The following PCDH11X variants were observed in gnomAD, a reference collection of about 807,000 sequenced individuals.
PCDH11X encodes protocadherin-11 X-linked.
A neutral mutation model predicts 53.3 loss-of-function variants in PCDH11X; 18 were observed. The ratio of observed to expected loss-of-function variants is 0.34; its 90% confidence interval spans 0.23 to 0.50. The LOEUF (loss-of-function observed/expected upper bound fraction) is 0.50, where lower values mean the gene tolerates loss of function less well. Ranked by LOEUF, PCDH11X falls within the 20% of genes least tolerant of loss-of-function variation. PCDH11X has a pLI of 0.98. For missense variants in PCDH11X, 570 were observed against 1,032.4 expected (o/e 0.55, Z 6.14); for synonymous variants, 279 against 393.3 (o/e 0.71, Z 3.44).
At chrX:92,238,394 T>C (rs1371728978) in intron 7 of PCDH11X, among the ~76,000 whole-genome samples, 1 of 111,742 alleles carries the variant, frequency 8.9e-6, no homozygotes, top group Non-Finnish European at 1.9e-5. Flanking sequence ...ATGCATGATG[T>C]TAAATGGAAT....
intron 1 of PCDH11X, among the ~76,000 whole-genome samples, chrX:91,802,441 T>A (rs1933700386): frequency 9.0e-6 from 1 of 111,693 alleles, no homozygotes; most frequent in Admixed American, 9.6e-5. Context: ...ATAAGAAATT[T>A]ATCTTTGCAT....
intron 8 of PCDH11X, among the ~76,000 whole-genome samples, chrX:92,369,476 G>A (rs1001766164): frequency 1.1e-4 from 12 of 111,556 alleles, no homozygotes; most frequent in African/African-American, 3.6e-4. Flanking sequence ...TGCTGAGTGA[G>A]ACCACTTGGC....
At chrX:91,975,087 T>A (rs1392086505) in intron 6 of PCDH11X, among the ~76,000 whole-genome samples, 1 of 110,818 alleles carries the variant, frequency 9.0e-6, no homozygotes, top group African/African-American at 3.3e-5. Flanking sequence ...CTCTTGCTGC[T>A]ATTGAGGATA....
At chrX:92,466,890 C>T (rs1051203200) in intron 9 of PCDH11X, among the ~76,000 whole-genome samples, 24 of 108,957 alleles carry the variant, frequency 2.2e-4, no homozygotes, top group Non-Finnish European at 4.0e-4. Context: ...AAAGCACGTA[C>T]GTTATTACTT....
intron 8 of PCDH11X, among the ~76,000 whole-genome samples, chrX:92,277,108 C>T (rs1013565605): frequency 8.2e-5 from 9 of 109,510 alleles, no homozygotes; most frequent in African/African-American, 2.3e-4. Flanking sequence ...GGGGAGAGGT[C>T]AGATGGGTCT....
intron 8 of PCDH11X, among the ~76,000 whole-genome samples, chrX:92,270,112 C>CTT (rs760007148): frequency 0.011 from 1,044 of 95,598 alleles, 18 homozygotes; most frequent in African/African-American, 0.039. Context: ...GCTTCCTTTT[C>CTT]TTTTTTTTTT....
chrX:92,206,155 G>A (rs2066472218), intron 7 of PCDH11X, among the ~76,000 whole-genome samples: 1 of 111,443 alleles, frequency 9.0e-6, no homozygotes, highest in African/African-American at 3.3e-5. Flanking sequence ...TAGACTGATG[G>A]GTTACATTTT....
intron 10 of PCDH11X, among the ~76,000 whole-genome samples, chrX:92,529,500 T>A (rs2074517457): frequency 1.8e-5 from 2 of 108,734 alleles, no homozygotes; most frequent in South Asian, 8.1e-4. Context: ...ACTATAGGAG[T>A]TATAGCCAGT....
At chrX:92,561,256 C>A (rs1393700809) in intron 10 of PCDH11X, among the ~76,000 whole-genome samples, 5 of 107,855 alleles carry the variant, frequency 4.6e-5, no homozygotes, top group African/African-American at 6.8e-5. Context: ...TGAACTTGTA[C>A]GAGCATCAAC....
At chrX:92,007,537 G>T (rs765141126) in intron 6 of PCDH11X, among the ~76,000 whole-genome samples, 113 of 111,892 alleles carry the variant, frequency 1.0e-3, no homozygotes, top group Non-Finnish European at 1.6e-3. Flanking sequence ...GTCAGGTCCA[G>T]AAATGCCACC....
At chrX:92,172,983 G>T (rs1027337258) in intron 6 of PCDH11X, among the ~76,000 whole-genome samples, 1 of 111,480 alleles carries the variant, frequency 9.0e-6, no homozygotes, top group Non-Finnish European at 1.9e-5. Context: ...TTCATAAAAT[G>T]TCCAAATAAA....
chrX:92,423,651 T>G (rs1157437662), intron 9 of PCDH11X, among the ~76,000 whole-genome samples: 4 of 94,205 alleles, frequency 4.2e-5, no homozygotes, highest in African/African-American at 1.4e-4. Flanking sequence ...TGTTGCATCT[T>G]AAGTTGATTT....
At chrX:91,981,693 A>G in intron 6 of PCDH11X, among the ~76,000 whole-genome samples, 1 of 110,367 alleles carries the variant, frequency 9.1e-6, no homozygotes, top group Admixed American at 9.7e-5. Flanking sequence ...GAAGCCTCAC[A>G]ATCATAGTGG....
chrX:92,618,230 A>T, intron 10 of PCDH11X, 34 bp from the exon 11 acceptor site: 3 of 1,166,666 alleles, frequency 2.6e-6, no homozygotes, highest in Non-Finnish European at 3.4e-6. Flanking sequence ...CCTTTGAAAT[A>T]TAAATTTTAT....
chrX:92,536,589 C>T (rs1010080545), intron 10 of PCDH11X, among the ~76,000 whole-genome samples: 6 of 108,005 alleles, frequency 5.6e-5, no homozygotes, highest in African/African-American at 2.0e-4. Context: ...CAACAGTGTA[C>T]GAGGTTTCCC....
At chrX:92,518,748 A>T (rs1366184259) in intron 10 of PCDH11X, among the ~76,000 whole-genome samples, 40 of 59,434 alleles carry the variant, frequency 6.7e-4, no homozygotes, top group Non-Finnish European at 9.6e-4. Context: ...TACCAATAAA[A>T]TTTTTTTTTT....
chrX:91,799,997 A>G (rs1935874546), intron 1 of PCDH11X, among the ~76,000 whole-genome samples: 1 of 112,353 alleles, frequency 8.9e-6, no homozygotes, highest in African/African-American at 3.2e-5. Context: ...GCTGAGGCAC[A>G]AGAATCGCTT....
intron 7 of PCDH11X, among the ~76,000 whole-genome samples, chrX:92,250,345 G>T (rs1049886225): frequency 3.6e-5 from 4 of 110,249 alleles, no homozygotes; most frequent in African/African-American, 1.3e-4. Flanking sequence ...ATCATTGGAG[G>T]GAATATGAAA....
intron 4 of PCDH11X, among the ~76,000 whole-genome samples, chrX:91,818,628 C>G (rs773669732): frequency 1.8e-5 from 2 of 109,724 alleles, no homozygotes; most frequent in Non-Finnish European, 3.8e-5. Context: ...TCTCTTGAAC[C>G]TGGGAGGTTG....
Sources: allele counts gnomAD v4.1 joint callset (sites outside exome capture counted in the v4.1 genomes callset), GRCh38; gene constraint gnomAD v4.1.1; transcripts MANE v1.5; gene names NCBI Gene and HGNC (gene_info 2026-07-23, HGNC 2026-07-21).